Variants in SAMMSON observed in about 807,000 individuals in gnomAD.
The protein encoded by SAMMSON is long intergenic non-protein coding RNA 1212.
chr3:70,208,979 G>A (rs928893225), intron 4 of SAMMSON, among the ~76,000 whole-genome samples: 1 of 152,074 alleles, frequency 6.6e-6, no homozygotes, highest in Non-Finnish European at 1.5e-5. Flanking sequence ...ATTGAATATT[G>A]AAGTGGAATC....
At chr3:70,029,025 T>C (rs2067053908) in intron 3 of SAMMSON, among the ~76,000 whole-genome samples, 1 of 152,182 alleles carries the variant, frequency 6.6e-6, no homozygotes, top group Non-Finnish European at 1.5e-5. Context: ...TTGGACGATA[T>C]GACTCCTGTG....
chr3:70,321,772 G>A (rs1009437436), intron 7 of SAMMSON, among the ~76,000 whole-genome samples: 7 of 151,622 alleles, frequency 4.6e-5, no homozygotes, highest in African/African-American at 1.7e-4. Flanking sequence ...TTACTATAAG[G>A]CCTTCGCTTA....
At chr3:70,378,979 TTTTATTTATTTA>T (rs145138282) in intron 9 of SAMMSON, among the ~76,000 whole-genome samples, 4,205 of 141,466 alleles carry the variant, frequency 0.03, 123 homozygotes, top group African/African-American at 0.075. Flanking sequence ...ATACTTACAC[TTTTATTTATTTA>T]TTTATTTATT....
chr3:70,386,871 C>A (rs1163288063), intron 9 of SAMMSON, among the ~76,000 whole-genome samples: 1 of 151,966 alleles, frequency 6.6e-6, no homozygotes, highest in Non-Finnish European at 1.5e-5. Context: ...AGGCATGAGG[C>A]AGTTGATTTC....
chr3:70,344,751 G>A (rs56035344), intron 7 of SAMMSON, among the ~76,000 whole-genome samples: 3,849 of 152,242 alleles, frequency 0.025, 63 homozygotes, highest in Middle Eastern at 0.065. Flanking sequence ...ATGGGTTTGA[G>A]TGTGAACGGC....
chr3:70,240,028 G>T (rs1701651291), intron 4 of SAMMSON, among the ~76,000 whole-genome samples: 1 of 152,024 alleles, frequency 6.6e-6, no homozygotes, highest in Admixed American at 6.6e-5. Flanking sequence ...GTAAAAATAG[G>T]TTAATGATAG....
chr3:70,071,686 T>A (rs1246784031), intron 4 of SAMMSON: 1 of 152,058 alleles, frequency 6.6e-6, no homozygotes, highest in African/African-American at 2.4e-5. Context: ...CATTGTTATT[T>A]TGTCTTTGGT....
chr3:70,278,888 C>T lies in SAMMSON; in HGVS notation n.675-12291C>T, dbSNP rs149687948. Among the ~76,000 whole-genome samples the T allele has an allele frequency of 1.9e-3, 289 of 151,490 alleles. 4 individuals carry two copies. Among genetic ancestry groups the T allele is most frequent in the African/African-American group, 6.6e-3 (271 of 41,276 alleles). ...AAAACAAATGAAATAACAATTGTAA[C>T]GTAGAGAGCTAGTGTTTGACATGTA... On this transcript the variant is annotated intron_variant and non_coding_transcript_variant, in intron 6 of 9. Coordinates refer to ENST00000642114, the Ensembl canonical transcript of SAMMSON.
intron 7 of SAMMSON, among the ~76,000 whole-genome samples, chr3:70,299,769 G>C (rs755078747): frequency 3.9e-5 from 6 of 152,062 alleles, no homozygotes; most frequent in Non-Finnish European, 8.8e-5. Context: ...AAAGCACAGA[G>C]CTGATTCTGT....
intron 7 of SAMMSON, among the ~76,000 whole-genome samples, chr3:70,304,401 C>G (rs1322878190): frequency 2.0e-5 from 3 of 152,154 alleles, no homozygotes; most frequent in Non-Finnish European, 4.4e-5. Flanking sequence ...ATTCTATTGC[C>G]CAGTTGACAG....
chr3:70,213,464 A>C (rs1701370042), intron 4 of SAMMSON, among the ~76,000 whole-genome samples: 1 of 152,124 alleles, frequency 6.6e-6, no homozygotes, highest in Non-Finnish European at 1.5e-5. Flanking sequence ...TATAATGGTG[A>C]ATTATGTTTT....
intron 2 of SAMMSON, among the ~76,000 whole-genome samples, chr3:70,396,710 C>T (rs1310864546): frequency 2.6e-5 from 4 of 152,172 alleles, no homozygotes; most frequent in Non-Finnish European, 4.4e-5. Context: ...GTATATGTTA[C>T]ATAAGGCAAG....
chr3:70,109,449 A>T (rs994286334), intron 4 of SAMMSON, among the ~76,000 whole-genome samples: 2 of 152,190 alleles, frequency 1.3e-5, no homozygotes, highest in Non-Finnish European at 2.9e-5. Flanking sequence ...GCACATACAG[A>T]GGTGCTTAAA....
intron 4 of SAMMSON, chr3:70,125,792 G>A: frequency 1.5e-6 from 1 of 658,668 alleles, no homozygotes. Flanking sequence ...ACATGGCGCT[G>A]CCTTATTGTT....
intron 3 of SAMMSON, among the ~76,000 whole-genome samples, chr3:70,031,330 TA>T (rs1274426152): frequency 3.9e-5 from 6 of 151,994 alleles, no homozygotes; most frequent in African/African-American, 9.6e-5. Flanking sequence ...GAGGTACCTA[TA>T]ATAGGTAAAT....
chr3:70,048,305 G>A (rs1353560567), intron 3 of SAMMSON, among the ~76,000 whole-genome samples: 1 of 152,098 alleles, frequency 6.6e-6, no homozygotes, highest in Non-Finnish European at 1.5e-5. Flanking sequence ...GCTGTGTTAT[G>A]TGATTCTGGG....
chr3:70,287,424 G>T (rs1233802486), intron 6 of SAMMSON, among the ~76,000 whole-genome samples: 3 of 151,756 alleles, frequency 2.0e-5, no homozygotes, highest in Middle Eastern at 6.8e-3. Context: ...GATCATGGTG[G>T]ATAAACTTTT....
intron 7 of SAMMSON, among the ~76,000 whole-genome samples, chr3:70,307,772 G>A (rs550882500): frequency 6.6e-6 from 1 of 152,042 alleles, no homozygotes; most frequent in Admixed American, 6.6e-5. Flanking sequence ...TTGTCCTCAG[G>A]CCTCCAGTGA....
chr3:70,333,854 G>A (rs1213335617), intron 7 of SAMMSON, among the ~76,000 whole-genome samples: 1 of 152,184 alleles, frequency 6.6e-6, no homozygotes, highest in Non-Finnish European at 1.5e-5. Flanking sequence ...TGAAGAAACT[G>A]CTAGAAACTG....
Sources: allele counts gnomAD v4.1 joint callset (sites outside exome capture counted in the v4.1 genomes callset), GRCh38; gene constraint gnomAD v4.1.1; transcripts MANE v1.5; gene names NCBI Gene and HGNC (gene_info 2026-07-23, HGNC 2026-07-21).